PHF10: variants seen among roughly 807,000 people sequenced by gnomAD.
PHF10 encodes the protein PHD finger protein 10, also known as BRG1-associated factor 45a.
PHF10 carries 51 observed loss-of-function variants against 68.5 expected under a neutral mutation model. That is an observed-to-expected ratio of 0.74 (90% CI 0.59 to 0.94). The LOEUF (loss-of-function observed/expected upper bound fraction) is 0.94. Ranked by LOEUF, PHF10 falls within the 40% of genes least tolerant of loss-of-function variation. PHF10 has a pLI of 0.00. For synonymous variants in PHF10, 204 were observed against 203.5 expected, an observed-to-expected ratio of 1.00 and a Z score of -0.02; for missense variants, 460 against 602.6, an observed-to-expected ratio of 0.76 and a Z score of 2.48.
chr6:169,721,680 T>G (rs1405861178), intron 1 of PHF10, among the ~76,000 whole-genome samples: 1 of 146,288 alleles, frequency 6.8e-6, no homozygotes, highest in Non-Finnish European at 1.5e-5. Flanking sequence ...GGGGAATTTT[T>G]TTTTTAAAGA....
intron 9 of PHF10, chr6:169,708,144 C>G (rs1018276820): frequency 3.9e-5 from 6 of 152,186 alleles, no homozygotes; most frequent in African/African-American, 9.7e-5. Flanking sequence ...AACTGAAATA[C>G]TCATCCTAAT....
chr6:169,719,143 TG>T, intron 2 of PHF10: 1 of 355,552 alleles, frequency 2.8e-6, no homozygotes. Flanking sequence ...TTTTATACAC[TG>T]GGAAGAACGT....
At chr6:169,718,267 A>T (rs1789097588) in intron 3 of PHF10, among the ~76,000 whole-genome samples, 2 of 152,176 alleles carry the variant, frequency 1.3e-5, no homozygotes. Context: ...GATTTTTTCT[A>T]AAATTTTCCT....
intron 4 of PHF10, among the ~76,000 whole-genome samples, chr6:169,716,291 A>G (rs1022536673): frequency 5.3e-5 from 8 of 152,194 alleles, no homozygotes; most frequent in African/African-American, 1.9e-4. Context: ...TTATCTTGCA[A>G]AAGGCAAATA....
chr6:169,715,588 A>T (rs1351652475), intron 6 of PHF10, 120 bp downstream of exon 6: 20 of 904,098 alleles, frequency 2.2e-5, no homozygotes, highest in Non-Finnish European at 3.5e-5. Context: ...ACAAACAAAC[A>T]AACAAAAAAA....
chr6:169,712,640 C>T (rs926101683), intron 7 of PHF10, 101 bp from the exon 8 acceptor site: 13 of 979,280 alleles, frequency 1.3e-5, no homozygotes, highest in Middle Eastern at 2.6e-4. Flanking sequence ...TGAGTAACCC[C>T]GAAGACTTTT....
intron 9 of PHF10, chr6:169,709,542 CAGAG>C (rs1165702773): frequency 3.3e-5 from 5 of 152,252 alleles, no homozygotes; most frequent in East Asian, 1.9e-4. Flanking sequence ...GAGGGGCAGA[CAGAG>C]GGAGGAAAAG....
At chr6:169,715,601 A>G in intron 6 of PHF10, 107 bp downstream of exon 6, 1 of 953,600 alleles carries the variant, frequency 1.0e-6, no homozygotes, top group South Asian at 1.6e-5. Flanking sequence ...CAAAAAAAAC[A>G]CACACACATA....
chr6:169,713,846 G>A (rs959663399), intron 7 of PHF10, among the ~76,000 whole-genome samples: 5 of 152,234 alleles, frequency 3.3e-5, no homozygotes, highest in Non-Finnish European at 4.4e-5. Flanking sequence ...AAAATGGGCT[G>A]GGCACAGTGG....
At position 169,721,090 on chromosome 6, in the gene PHF10, T is replaced by C. The variant is rs1167887161; in HGVS notation, c.109A>G (p.Asn37Asp). The change falls in exon 2 of 12, where the codon AAT becomes GAT. Residue 37 changes from asparagine (N) to aspartate (D), a missense_variant. This residue lies in a region of PHF10 where 93 missense variants were observed against 82.4 expected (regional missense o/e 1.13). Transcript: ENST00000339209. ...CTTTTGGATGGCTGGGTCCCATCAT[T>C]TGAATTATCTTCATTATCATCCTAT... is the stretch of plus-strand genomic sequence containing the variant. Reference protein sequence around the residue: ...SPKDDNEDNSNDGTQPSKRRR... With the variant: ...SPKDDNEDNSDDGTQPSKRRR... The C allele has an allele frequency of 2.0e-6, 3 of 1,526,934 alleles. No individual in the cohort carries two copies. The highest frequency in any genetic ancestry group is 3.9e-5 in the Admixed American group (2 of 50,966). The allele number at this position is 1,526,934 out of a possible 1,614,324, so 94.6% of individuals were successfully genotyped here. A position where few individuals can be genotyped will look rare whatever the true frequency, so the allele number is the denominator to read the frequency against.
At chr6:169,717,386 C>T (rs541813712) in intron 4 of PHF10, among the ~76,000 whole-genome samples, 2 of 152,310 alleles carry the variant, frequency 1.3e-5, no homozygotes, top group South Asian at 4.1e-4. Flanking sequence ...ATACATCTAG[C>T]CTACCAAACA....
At chr6:169,715,536 C>T (rs1789026061) in intron 6 of PHF10, among the ~76,000 whole-genome samples, 172 bp downstream of exon 6, 2 of 152,090 alleles carry the variant, frequency 1.3e-5, no homozygotes, top group South Asian at 4.1e-4. Context: ...CACTGCACTC[C>T]ATCCTGGGCT....
At chr6:169,715,211 C>T (rs900394636) in intron 6 of PHF10, among the ~76,000 whole-genome samples, 3 of 152,090 alleles carry the variant, frequency 2.0e-5, no homozygotes, top group Admixed American at 6.5e-5. Flanking sequence ...ACTCTTGGGA[C>T]GCACAGCAAG....
rs1339539076 is a variant in PHF10 at position 169,705,116 on chromosome 6, C to G, written c.1411+17G>C. On this transcript the variant is annotated intron_variant, in intron 11 of 11. Transcript: ENST00000339209. ...TCATCACCCAAAGATAATGTTTGCT[C>G]TTTTTTTAATCTTTACCTGATGGAA... 6.4e-7 allele frequency: 1 copy of G among 1,571,546 alleles called. No individual in the cohort carries two copies. The highest frequency in any genetic ancestry group is 2.3e-5 in the East Asian group (1 of 44,404).
In PHF10 at chr6:169,721,005, C is replaced by A; in HGVS notation, c.194G>T (p.Gly65Val). 1 of 1,508,764 alleles carries A rather than the reference C, an allele frequency of 6.6e-7. No individual in the cohort carries two copies. The highest frequency in any genetic ancestry group is 1.2e-5 in the South Asian group (1 of 82,790). The allele number at this position is 1,508,764 out of a possible 1,614,324, so 93.5% of individuals were successfully genotyped here. The part of the protein sequence containing the change: ...RSCETSSQDL[G>V]FSYYPAENLI... ...TTAATAACCGATAAAATGACAGTAC[C>A]CAAGATCTTGACTTGAAGTTTCACA... The change falls in exon 2 of 12, where the codon GGT becomes GTT. Residue 65 changes from glycine to valine, a missense_variant and splice_region_variant. Coordinates refer to ENST00000339209, the MANE Select transcript of PHF10 (RefSeq NM_018288.4).
chr6:169,715,861 GAAA>G lies in PHF10; in HGVS notation c.544-7_544-5del. On this transcript the variant is annotated splice_region_variant and splice_polypyrimidine_tract_variant and intron_variant, in intron 5 of 11. Coordinates refer to ENST00000339209, the MANE Select transcript of PHF10 (RefSeq NM_018288.4). ...GAGTATTCTGTTGTTGCATTTGCTGGAAAAAAAAAATACAGTTGGAAGTCACAT... is the reference window on the plus strand; with the variant it reads ...GAGTATTCTGTTGTTGCATTTGCTGGAAAAAAATACAGTTGGAAGTCACAT... The G allele has an allele frequency of 6.8e-7, 1 of 1,470,350 alleles. No individual in the cohort carries two copies. The highest frequency in any genetic ancestry group is 9.2e-7 in the Non-Finnish European group (1 of 1,084,710). 91.1% of individuals were successfully genotyped at this position (1,470,350 alleles called of 1,614,324 possible). A position where few individuals can be genotyped will look rare whatever the true frequency, so the allele number is the denominator to read the frequency against.
Position 169,723,903 on chromosome 6 carries a change from G to A in PHF10, c.29C>T (p.Ala10Val). The A allele has an allele frequency of 9.4e-7, 1 of 1,065,438 alleles. No homozygotes were observed. The highest frequency in any genetic ancestry group is 6.0e-5 in the East Asian group (1 of 16,796). The allele number at this position is 1,065,438 out of a possible 1,614,324, so 66.0% of individuals were successfully genotyped here. A position where few individuals can be genotyped will look rare whatever the true frequency, so the allele number is the denominator to read the frequency against. MAAAAGPGA[A>V]LSPRPCDSDP... ...GCTGTCGCACGGCCGCGGGGACAGCGCAGCCCCGGGCCCGGCCGCCGCCGC... is the reference window on the plus strand; with the variant it reads ...GCTGTCGCACGGCCGCGGGGACAGCACAGCCCCGGGCCCGGCCGCCGCCGC... The change falls in exon 1 of 12, where the codon GCG becomes GTG. Residue 10 changes from alanine (A) to valine (V), a missense_variant. Transcript: ENST00000339209.
intron 7 of PHF10, among the ~76,000 whole-genome samples, chr6:169,713,939 T>C (rs73039202): frequency 6.6e-6 from 1 of 152,070 alleles, no homozygotes; most frequent in Non-Finnish European, 1.5e-5. Context: ...CTGGCCAACA[T>C]GGTAAAACCC....
At position 169,704,058 on chromosome 6, in the gene PHF10, G is replaced by A. The variant is rs770378991; in HGVS notation, c.1442C>T (p.Ala481Val). ...GCCCACTTTCCTGGGTGTTGGGGGG[G>A]CCCGCTGACAACAGTCACAAATCCA... ...GRWICDCCQR[A>V]PPTPRKVGRR... The change falls in exon 12 of 12, where the codon GCC becomes GTC. Residue 481 changes from alanine to valine, a missense_variant. Transcript: ENST00000339209. The A allele has an allele frequency of 2.5e-6, 4 of 1,582,492 alleles. No homozygotes were observed. Among genetic ancestry groups the A allele is most frequent in the Admixed American group, 2.0e-5 (1 of 49,772 alleles).
Sources: allele counts gnomAD v4.1 joint callset (sites outside exome capture counted in the v4.1 genomes callset), GRCh38; gene constraint gnomAD v4.1.1; regional missense constraint gnomAD v4.1.1; transcripts MANE v1.5; gene names NCBI Gene and HGNC (gene_info 2026-07-23, HGNC 2026-07-21).